The following ST3GAL3 variants were observed in gnomAD, a reference collection of about 807,000 sequenced individuals.
The protein encoded by ST3GAL3 is ST3 beta-galactoside alpha-2,3-sialyltransferase 3.
A neutral mutation model predicts 50.1 loss-of-function variants in ST3GAL3; 21 were observed. That is an observed-to-expected ratio of 0.42 (90% confidence interval 0.30 to 0.60). The LOEUF (loss-of-function observed/expected upper bound fraction) is 0.60, where lower values mean the gene tolerates loss of function less well. Among genes scored for constraint, ST3GAL3 ranks in the 20% least tolerant of loss-of-function variants. The pLI is 0.19. For missense variants in ST3GAL3, 353 were observed against 489.4 expected (o/e 0.72, Z 2.63); for synonymous variants, 183 against 190.0 (o/e 0.96, Z 0.30).
At chr1:43,875,417 G>A (rs1247471431) in intron 5 of ST3GAL3, among the ~76,000 whole-genome samples, 18 of 152,054 alleles carry the variant, frequency 1.2e-4, no homozygotes, top group Admixed American at 9.8e-4. Flanking sequence ...GGCCAAGGCA[G>A]GCCTGCCTTG....
At chr1:43,734,931 C>A (rs80337565) in intron 1 of ST3GAL3, among the ~76,000 whole-genome samples, 19 of 151,940 alleles carry the variant, frequency 1.3e-4, no homozygotes, top group African/African-American at 4.6e-4. Flanking sequence ...TAAGGTGTAC[C>A]TGCTATGCAT....
intron 9 of ST3GAL3, among the ~76,000 whole-genome samples, chr1:43,918,064 C>G (rs2082369049): frequency 6.6e-6 from 1 of 150,640 alleles, no homozygotes; most frequent in African/African-American, 2.4e-5. Context: ...TCTTCCATTG[C>G]ATTAATGTAT....
At chr1:43,772,174 C>G (rs964481012) in intron 2 of ST3GAL3, 4 of 395,038 alleles carry the variant, frequency 1.0e-5, no homozygotes, top group Middle Eastern at 1.3e-3. Context: ...CTCAGCCTCC[C>G]CAGTAGCTGG....
At chr1:43,734,617 C>T (rs948216095) in intron 1 of ST3GAL3, among the ~76,000 whole-genome samples, 94 of 152,190 alleles carry the variant, frequency 6.2e-4, no homozygotes, top group African/African-American at 2.2e-3. Context: ...GCCCACCTAA[C>T]ATTTTCTAAT....
chr1:43,820,159 C>G (rs1474159133), intron 4 of ST3GAL3, among the ~76,000 whole-genome samples: 1 of 152,102 alleles, frequency 6.6e-6, no homozygotes, highest in Non-Finnish European at 1.5e-5. Context: ...AGCCACACAG[C>G]TACAACCATC....
chr1:43,852,315 A>G (rs890747345), intron 5 of ST3GAL3, among the ~76,000 whole-genome samples: 1 of 152,206 alleles, frequency 6.6e-6, no homozygotes, highest in African/African-American at 2.4e-5. Flanking sequence ...GTTTTGCTCT[A>G]AATTTTGAGT....
chr1:43,760,580 C>T (rs1689904265), intron 2 of ST3GAL3, among the ~76,000 whole-genome samples: 1 of 152,068 alleles, frequency 6.6e-6, no homozygotes, highest in Non-Finnish European at 1.5e-5. Flanking sequence ...ACGGTGAAAC[C>T]CCGTCTCTAC....
At chr1:43,788,835 A>T (rs1359759166) in intron 2 of ST3GAL3, among the ~76,000 whole-genome samples, 1 of 152,178 alleles carries the variant, frequency 6.6e-6, no homozygotes, top group Non-Finnish European at 1.5e-5. Context: ...TGAATGCCAT[A>T]ATAGAAGCAC....
At chr1:43,883,174 G>A (rs530566985) in intron 5 of ST3GAL3, among the ~76,000 whole-genome samples, 11 of 152,128 alleles carry the variant, frequency 7.2e-5, no homozygotes, top group African/African-American at 2.6e-4. Context: ...TCAGTGTGTT[G>A]CCTAGGCTGG....
chr1:43,821,603 GAGAAACAGGAATAACT>G (rs2062103003), intron 4 of ST3GAL3, among the ~76,000 whole-genome samples: 1 of 152,188 alleles, frequency 6.6e-6, no homozygotes, highest in Non-Finnish European at 1.5e-5. Context: ...ATGGTTTGGA[GAGAAACAGGAATAACT>G]AGAATGTGAG....
intron 5 of ST3GAL3, among the ~76,000 whole-genome samples, chr1:43,848,294 C>CTTTTTTT (rs58438507): frequency 1.6e-4 from 11 of 70,368 alleles, no homozygotes; most frequent in East Asian, 9.3e-4. Context: ...TTGTGGTTTT[C>CTTTTTTT]TTTTTTTTTT....
chr1:43,815,057 C>A, intron 4 of ST3GAL3, 124 bp downstream of exon 4: 1 of 971,190 alleles, frequency 1.0e-6, no homozygotes, highest in Non-Finnish European at 1.7e-6. Flanking sequence ...GGCCTCTGTC[C>A]TCAGGCTGTC....
chr1:43,885,469 G>T (rs1487103681), intron 5 of ST3GAL3, among the ~76,000 whole-genome samples: 1 of 152,158 alleles, frequency 6.6e-6, no homozygotes, highest in Non-Finnish European at 1.5e-5. Context: ...GCGGGCTGGG[G>T]CCTGTCTTTT....
Position 43,899,611 on chromosome 1 carries a change from C to A in ST3GAL3, c.628C>A (p.Pro210Thr). ...CAAAACGACACTGCGCATCACCTAC[C>A]CCGAGGGCGCCATGCAGCGGCCTGA... ...GSKTTLRITY[P>T]EGAMQRPEQY... The change falls in exon 9 of 12, where the codon CCC (proline) becomes ACC (threonine). Residue 210 changes from proline to threonine, a missense_variant. Physicochemically the swap from Pro to Thr is conservative, Grantham distance 38. Transcript: ENST00000347631. This position sits in a 1 kb window ranked among gnomAD's most constrained non-coding sequence, Gnocchi z 5.4. 6.2e-7 allele frequency: 1 copy of A among 1,614,124 alleles called. No individual in the cohort carries two copies. Among genetic ancestry groups the A allele is most frequent in the Non-Finnish European group, 8.5e-7 (1 of 1,180,034 alleles).
At chr1:43,908,087 GA>G (rs1320819846) in intron 9 of ST3GAL3, among the ~76,000 whole-genome samples, 2 of 152,150 alleles carry the variant, frequency 1.3e-5, no homozygotes, top group Non-Finnish European at 2.9e-5. Flanking sequence ...GGGTTCTAGG[GA>G]TAGCCCCTGA....
intron 11 of ST3GAL3, among the ~76,000 whole-genome samples, chr1:43,924,321 C>T (rs1056271100): frequency 6.6e-6 from 1 of 152,198 alleles, no homozygotes; most frequent in Non-Finnish European, 1.5e-5. Context: ...CAGCCAGCGC[C>T]CACTTCAGAT....
At position 43,920,392 on chromosome 1, in the gene ST3GAL3, C is replaced by T; in HGVS notation, c.745-12C>T. The T allele has an allele frequency of 6.2e-7, 1 of 1,614,118 alleles. No homozygotes were observed. The highest frequency in any genetic ancestry group is 1.3e-5 in the African/African-American group (1 of 75,036). On this transcript the variant is annotated splice_polypyrimidine_tract_variant and intron_variant, in intron 9 of 11. Transcript: ENST00000347631. ...TGTGCCTCGTTGAGGCCCGCTTTTG[C>T]TGTGTCCACAGAGTGCATCGGATGG...
chr1:43,819,805 G>A (rs1275475585), intron 4 of ST3GAL3, among the ~76,000 whole-genome samples: 1 of 152,044 alleles, frequency 6.6e-6, no homozygotes, highest in East Asian at 1.9e-4. Flanking sequence ...CCCAGTATCT[G>A]TTCTTATTTT....
At chr1:43,764,513 T>G (rs538541640) in intron 2 of ST3GAL3, among the ~76,000 whole-genome samples, 1 of 149,696 alleles carries the variant, frequency 6.7e-6, no homozygotes, top group East Asian at 2.0e-4. Context: ...TATTAGGGAG[T>G]GGTTATGGAA....
Sources: allele counts gnomAD v4.1 joint callset (sites outside exome capture counted in the v4.1 genomes callset), GRCh38; gene constraint gnomAD v4.1.1; non-coding constraint Gnocchi (gnomAD v3.1); transcripts MANE v1.5; gene names NCBI Gene and HGNC (gene_info 2026-07-23, HGNC 2026-07-21).